The following LARP4B variants were observed in gnomAD, a reference collection of about 807,000 sequenced individuals.
The protein encoded by LARP4B is La ribonucleoprotein 4B.
A neutral mutation model predicts 89.8 loss-of-function variants in LARP4B; 12 were observed. The observed-to-expected ratio is 0.13, with a 90% CI of 0.09 to 0.22. The LOEUF is 0.22. Among genes scored for constraint, LARP4B ranks in the 10% least tolerant of loss-of-function variants. LARP4B has a pLI of 1.00. For missense variants in LARP4B, 757 were observed against 947.7 expected, an observed-to-expected ratio of 0.80 and a Z score of 2.64; for synonymous variants, 367 against 363.3, an observed-to-expected ratio of 1.01 and a Z score of -0.12.
At chr10:867,698 T>C (rs1834978480) in intron 3 of LARP4B, among the ~76,000 whole-genome samples, 1 of 151,638 alleles carries the variant, frequency 6.6e-6, no homozygotes, top group East Asian at 1.9e-4. Flanking sequence ...CCGTCTCTAC[T>C]GAAAATACAA....
chr10:978,450 AT>A, the LARP4B span, among the ~76,000 whole-genome samples: 2 of 151,920 alleles, frequency 1.3e-5, no homozygotes, highest in Non-Finnish European at 2.9e-5. Context: ...TGGTTTTTCC[AT>A]TTTTTTGTTT....
intron 5 of LARP4B, among the ~76,000 whole-genome samples, chr10:863,055 T>C (rs1180569491): frequency 6.6e-6 from 1 of 152,210 alleles, no homozygotes; most frequent in Non-Finnish European, 1.5e-5. Flanking sequence ...GAAGTTCAAA[T>C]GTGAATGGCT....
intron 3 of LARP4B, among the ~76,000 whole-genome samples, chr10:874,815 T>A (rs1835393380): frequency 6.6e-6 from 1 of 152,210 alleles, no homozygotes; most frequent in Non-Finnish European, 1.5e-5. Context: ...CTTATGAATA[T>A]ACTAAAATTC....
chr10:815,953 GCACGGTGGCT>G (rs1349183037), intron 15 of LARP4B, among the ~76,000 whole-genome samples: 3 of 152,248 alleles, frequency 2.0e-5, no homozygotes, highest in African/African-American at 7.2e-5. Flanking sequence ...TAGGGGCCGG[GCACGGTGGCT>G]CACGCCTATA....
intron 15 of LARP4B, 91 bp downstream of exon 15, chr10:817,634 A>G: frequency 2.4e-6 from 3 of 1,261,026 alleles, no homozygotes; most frequent in Non-Finnish European, 3.3e-6. Flanking sequence ...TATTAAAAAC[A>G]AACATGTATA....
chr10:947,421 C>T, the LARP4B span, among the ~76,000 whole-genome samples: 5 of 151,988 alleles, frequency 3.3e-5, no homozygotes, highest in African/African-American at 9.7e-5. Flanking sequence ...ATCACAACCC[C>T]GTCCCAGGCA....
chr10:972,212 G>C, the LARP4B span: 1 of 311,130 alleles, frequency 3.2e-6, no homozygotes, highest in East Asian at 8.0e-5. Context: ...ATTTTTAGTA[G>C]AGACAGGGTT....
the LARP4B span, among the ~76,000 whole-genome samples, chr10:982,938 C>T: frequency 6.6e-6 from 1 of 152,068 alleles, no homozygotes; most frequent in South Asian, 2.1e-4. Flanking sequence ...TTTGTCAGTC[C>T]CCAGGTATAC....
chr10:931,886 G>T (rs1830631651), upstream of LARP4B, among the ~76,000 whole-genome samples: 1 of 150,532 alleles, frequency 6.6e-6, no homozygotes, highest in South Asian at 2.1e-4. Context: ...CCGCCTTCTT[G>T]GCCTCTCCGC....
rs116088803 is a variant in LARP4B, at chr10:838,878, T to C, written c.647-2372A>G. On this transcript the variant is annotated intron_variant, in intron 7 of 17. Transcript: ENST00000316157. Reference sequence around the variant, plus strand: ...AGTAATCAAGATGCACTTCAGTGGGTAGATGGATAAGCAAACTGTGGGACA... The same window carrying C: ...AGTAATCAAGATGCACTTCAGTGGGCAGATGGATAAGCAAACTGTGGGACA... Among the ~76,000 whole-genome samples, 744 of 152,330 alleles carry C rather than the reference T, an allele frequency of 4.9e-3. 5 individuals carry two copies. Among genetic ancestry groups the C allele is most frequent in the African/African-American group, 0.017 (700 of 41,566 alleles).
In LARP4B at chr10:817,873, G is replaced by A. The variant is rs144690969; in HGVS notation, c.1547C>T (p.Ser516Phe). The change falls in exon 15 of 18, where the codon TCT (serine) becomes TTT (phenylalanine). Residue 516 changes from serine to phenylalanine, a missense_variant. Ser to Phe is a radical substitution (Grantham distance 155). Coordinates refer to ENST00000316157, the MANE Select transcript of LARP4B (RefSeq NM_015155.3). ...EEKFTSSQTQSPTPPKPPSPS... is the reference protein window; with the variant it reads ...EEKFTSSQTQFPTPPKPPSPS... ...CGACGGAGGCTTTGGTGGCGTTGGA[G>A]ACTGTGTCTGGCTGCTCTGCAACAG... The A allele has an allele frequency of 6.2e-7, 1 of 1,613,900 alleles. No homozygotes were observed. Among genetic ancestry groups the A allele is most frequent in the African/African-American group, 1.3e-5 (1 of 74,912 alleles).
intron 3 of LARP4B, among the ~76,000 whole-genome samples, chr10:879,844 G>A (rs1415493025): frequency 2.0e-5 from 3 of 152,120 alleles, no homozygotes; most frequent in Non-Finnish European, 2.9e-5. Flanking sequence ...CACTATCTCG[G>A]CTCAATGCAA....
intron 13 of LARP4B, 22 bp downstream of exon 13, chr10:825,043 C>T (rs1832550635): frequency 6.2e-7 from 1 of 1,606,512 alleles, no homozygotes; most frequent in Non-Finnish European, 8.5e-7. Context: ...TGATGTTACA[C>T]AGTAACTGCT....
chr10:938,777 T>C, the LARP4B span, among the ~76,000 whole-genome samples: 1 of 152,096 alleles, frequency 6.6e-6, no homozygotes, highest in Non-Finnish European at 1.5e-5. Flanking sequence ...AATCCGAGGG[T>C]AGGATATATA....
chr10:850,389 G>A (rs930073540), intron 5 of LARP4B, among the ~76,000 whole-genome samples: 3 of 152,190 alleles, frequency 2.0e-5, no homozygotes, highest in African/African-American at 7.2e-5. Context: ...ACATTAATGT[G>A]AGACAAAGTA....
intron 11 of LARP4B, among the ~76,000 whole-genome samples, 174 bp downstream of exon 11, chr10:829,211 T>C (rs1430285644): frequency 6.6e-6 from 1 of 152,234 alleles, no homozygotes; most frequent in African/African-American, 2.4e-5. Context: ...CCAAAGTTCT[T>C]TATGCATAAG....
At chr10:916,483 G>A (rs1166452531) in intron 1 of LARP4B, among the ~76,000 whole-genome samples, 1 of 152,078 alleles carries the variant, frequency 6.6e-6, no homozygotes, top group African/African-American at 2.4e-5. Flanking sequence ...ATCACCTGAG[G>A]TCAGGAGTTC....
chr10:838,108 G>A (rs1475957342), intron 7 of LARP4B, among the ~76,000 whole-genome samples: 2 of 152,144 alleles, frequency 1.3e-5, no homozygotes, highest in African/African-American at 2.4e-5. Flanking sequence ...ATTAATCTAG[G>A]TGCAGACCTG....
the LARP4B span, chr10:971,580 G>A: frequency 6.6e-6 from 1 of 152,076 alleles, no homozygotes; most frequent in Non-Finnish European, 1.5e-5. Flanking sequence ...TTTCGGCCAC[G>A]GCAGAGTTGC....
Sources: gnomAD v4.1 joint callset for allele counts (sites outside exome capture counted in the v4.1 genomes callset) on GRCh38, gnomAD v4.1.1 for gene constraint, MANE v1.5 for transcripts, NCBI Gene and HGNC (gene_info 2026-07-23, HGNC 2026-07-21) for gene names.